HNRNPM: variants seen among roughly 807,000 people sequenced by gnomAD.
HNRNPM encodes heterogeneous nuclear ribonucleoprotein M.
A neutral mutation model predicts 73.1 loss-of-function variants in HNRNPM; 11 were observed. That is an observed-to-expected ratio of 0.15 (90% confidence interval 0.09 to 0.25). The LOEUF (loss-of-function observed/expected upper bound fraction) is 0.25, where lower values mean the gene tolerates loss of function less well. HNRNPM is among the 10% of genes least tolerant of loss of function. The pLI, the probability that HNRNPM is intolerant of heterozygous loss-of-function variation, is 1.00. For synonymous variants in HNRNPM, 407 were observed against 355.2 expected (o/e 1.15, Z -1.64); for missense variants, 789 against 1,067.9 (o/e 0.74, Z 3.64).
intron 1 of HNRNPM, 38 bp downstream of exon 1, chr19:8,445,149 C>T (rs370985983): frequency 4.4e-6 from 6 of 1,350,776 alleles, no homozygotes; most frequent in Admixed American, 8.2e-5. Flanking sequence ...GGTAAGGGTT[C>T]CTCTCCGCGG....
intron 2 of HNRNPM, among the ~76,000 whole-genome samples, chr19:8,458,886 C>T (rs1361179931): frequency 1.3e-5 from 2 of 152,146 alleles, no homozygotes; most frequent in Non-Finnish European, 2.9e-5. Flanking sequence ...ATATTCCTAC[C>T]CAGTCTACTT....
intron 10 of HNRNPM, 22 bp from the exon 11 acceptor site, chr19:8,473,642 G>T: frequency 6.7e-7 from 1 of 1,485,710 alleles, no homozygotes; most frequent in East Asian, 2.3e-5. Flanking sequence ...ATTTTAGTTT[G>T]CATTGACTTT....
chr19:8,476,522 C>T (rs1395600585), intron 12 of HNRNPM, among the ~76,000 whole-genome samples: 1 of 151,112 alleles, frequency 6.6e-6, no homozygotes, highest in Non-Finnish European at 1.5e-5. Flanking sequence ...GTCGGCCAGG[C>T]GCGGTGGCTC....
intron 10 of HNRNPM, among the ~76,000 whole-genome samples, chr19:8,472,102 C>T (rs991206927): frequency 3.5e-5 from 5 of 143,480 alleles, no homozygotes; most frequent in South Asian, 4.7e-4. Context: ...ACCCGGGAGG[C>T]GGAGGTTGCA....
intron 1 of HNRNPM, among the ~76,000 whole-genome samples, chr19:8,453,105 A>G (rs1338264498): frequency 1.3e-5 from 2 of 152,132 alleles, no homozygotes; most frequent in South Asian, 4.1e-4. Context: ...TGCTGGGATT[A>G]TAGGTGTGAG....
At chr19:8,469,059 A>G (rs553888041) in intron 9 of HNRNPM, among the ~76,000 whole-genome samples, 2 of 152,314 alleles carry the variant, frequency 1.3e-5, no homozygotes, top group South Asian at 4.1e-4. Flanking sequence ...ACCAGGATGT[A>G]GAGGATGTGG....
intron 1 of HNRNPM, among the ~76,000 whole-genome samples, chr19:8,448,364 G>GGGTA (rs1179039737): frequency 1.3e-5 from 2 of 151,796 alleles, no homozygotes; most frequent in African/African-American, 4.8e-5. Context: ...TTAGGGTATA[G>GGGTA]TCAGGGAAAA....
chr19:8,482,259 G>A (rs556278767), intron 12 of HNRNPM, among the ~76,000 whole-genome samples: 1 of 152,190 alleles, frequency 6.6e-6, no homozygotes, highest in Non-Finnish European at 1.5e-5. Flanking sequence ...GCGGCCGGGG[G>A]ACAGGTTTTA....
At chr19:8,472,766 G>C (rs1249309756) in intron 10 of HNRNPM, among the ~76,000 whole-genome samples, 1 of 151,990 alleles carries the variant, frequency 6.6e-6, no homozygotes, top group Non-Finnish European at 1.5e-5. Context: ...GTATTTAGTA[G>C]AGACAGGGTT....
At chr19:8,478,272 C>T (rs1255847351) in intron 12 of HNRNPM, among the ~76,000 whole-genome samples, 1 of 152,118 alleles carries the variant, frequency 6.6e-6, no homozygotes, top group Non-Finnish European at 1.5e-5. Context: ...ATAATGGTTT[C>T]CTGCAGAAGA....
At chr19:8,463,472 G>T in intron 3 of HNRNPM, 25 bp from the exon 4 acceptor site, 1 of 1,613,128 alleles carries the variant, frequency 6.2e-7, no homozygotes, top group South Asian at 1.1e-5. Context: ...TTGCTCTTCT[G>T]ACTGGTCTCT....
intron 1 of HNRNPM, among the ~76,000 whole-genome samples, chr19:8,454,695 T>A (rs1010460178): frequency 8.3e-6 from 1 of 119,902 alleles, no homozygotes; most frequent in Non-Finnish European, 1.8e-5. Context: ...TTTTTTTTTT[T>A]AACACTATGA....
intron 5 of HNRNPM, among the ~76,000 whole-genome samples, chr19:8,464,612 G>A (rs1269776894): frequency 6.6e-6 from 1 of 152,210 alleles, no homozygotes; most frequent in Non-Finnish European, 1.5e-5. Context: ...AGCCTGGGCA[G>A]TAAGAGCAAA....
Position 8,462,271 on chromosome 19 carries a change from G to A in HNRNPM, c.284-258G>A. 2.2e-6 allele frequency: 1 copy of A among 454,086 alleles called. No homozygotes were observed. The highest frequency in any genetic ancestry group is 3.6e-5 in the East Asian group (1 of 28,142). 28.1% of individuals were successfully genotyped at this position (454,086 alleles called of 1,614,324 possible). The stretch of plus-strand genomic sequence containing the variant: ...TAGTCATGAATGAGTCTTCCAGACA[G>A]GGAAATTGATACGGAAATCTGTGGA... On this transcript the variant is annotated intron_variant, in intron 2 of 15. Transcript: ENST00000325495. This position sits in a 1 kb window ranked among gnomAD's most constrained non-coding sequence, Gnocchi z 4.5.
chr19:8,462,263 T>C lies in HNRNPM; in HGVS notation c.284-266T>C, dbSNP rs1969454950. The C allele has an allele frequency of 4.5e-6, 2 of 439,834 alleles. No individual in the cohort carries two copies. The highest frequency in any genetic ancestry group is 8.4e-6 in the Non-Finnish European group (2 of 239,108). 27.2% of individuals were successfully genotyped at this position (439,834 alleles called of 1,614,324 possible). A position where few individuals can be genotyped will look rare whatever the true frequency, so the allele number is the denominator to read the frequency against. On this transcript the variant is annotated intron_variant, in intron 2 of 15. Coordinates refer to ENST00000325495, the MANE Select transcript of HNRNPM (RefSeq NM_005968.5). This position sits in a 1 kb window ranked among gnomAD's most constrained non-coding sequence, Gnocchi z 4.5. ...ATTGCCTCTAGTCATGAATGAGTCT[T>C]CCAGACAGGGAAATTGATACGGAAA... is the stretch of plus-strand genomic sequence containing the variant.
intron 10 of HNRNPM, among the ~76,000 whole-genome samples, chr19:8,472,861 C>T (rs376257711): frequency 1.1e-4 from 16 of 152,296 alleles, no homozygotes; most frequent in African/African-American, 3.4e-4. Flanking sequence ...GGATTACAGG[C>T]GTGAGTCACC....
At chr19:8,477,829 G>A (rs1411472859) in intron 12 of HNRNPM, among the ~76,000 whole-genome samples, 1 of 152,222 alleles carries the variant, frequency 6.6e-6, no homozygotes, top group African/African-American at 2.4e-5. Flanking sequence ...TAGGGCACAG[G>A]CTTCTGTATT....
intron 2 of HNRNPM, among the ~76,000 whole-genome samples, chr19:8,461,561 C>G (rs1057253): frequency 0.83 from 126,570 of 152,160 alleles, 55,885 homozygotes; most frequent in East Asian, 0.98. Flanking sequence ...TTGATGGATT[C>G]TAACATCTGG....
intron 2 of HNRNPM, 150 bp downstream of exon 2, chr19:8,455,724 AG>A: frequency 2.1e-6 from 1 of 475,904 alleles, no homozygotes; most frequent in Non-Finnish European, 3.6e-6. Context: ...ACCCCACCTC[AG>A]TTTTTTTTTT....
Sources: allele counts gnomAD v4.1 joint callset (sites outside exome capture counted in the v4.1 genomes callset), GRCh38; gene constraint gnomAD v4.1.1; non-coding constraint Gnocchi (gnomAD v3.1); transcripts MANE v1.5; gene names NCBI Gene and HGNC (gene_info 2026-07-23, HGNC 2026-07-21).